The following CSHL1 variants were observed in gnomAD, a reference collection of about 807,000 sequenced individuals.
CSHL1 encodes chorionic somatomammotropin hormone like 1.
CSHL1 carries 25 observed loss-of-function variants against 24.3 expected under a neutral mutation model. The observed-to-expected ratio is 1.03, with a 90% CI of 0.75 to 1.44. CSHL1 has a LOEUF of 1.44. Ranked by LOEUF, CSHL1 falls within the 40% of genes most tolerant of loss-of-function variation. The pLI is 0.00. For missense variants in CSHL1, 342 were observed against 279.3 expected, an observed-to-expected ratio of 1.22 and a Z score of -1.60; for synonymous variants, 157 against 115.6, an observed-to-expected ratio of 1.36 and a Z score of -2.30.
In CSHL1 at chr17:63,910,212, C is replaced by T. The variant is rs752149521; in HGVS notation, c.421G>A (p.Asp141Asn). 1.2e-6 allele frequency: 2 copies of T among 1,614,108 alleles called. No homozygotes were observed. The highest frequency in any genetic ancestry group is 2.7e-5 in the African/African-American group (2 of 74,980). Residue 141 changes from aspartate (D) to asparagine (N), a missense_variant, in exon 4 of 5, where the codon GAC (aspartate) becomes AAC (asparagine). Coordinates refer to ENST00000309894, the MANE Select transcript of CSHL1 (RefSeq NM_022579.3). ...TCTAGGTCCTTTAGGAGGTGATAGT[C>T]ATCGCTGTCCGAGGTGTCATACACC... is the stretch of plus-strand genomic sequence containing the variant. The part of the protein sequence containing the change: ...NLVYDTSDSD[D>N]YHLLKDLEEG...
At chr17:63,910,602 T>A (rs1483385606) in intron 2 of CSHL1, 67 bp from the exon 3 acceptor site, 19 of 1,613,942 alleles carry the variant, frequency 1.2e-5, no homozygotes, top group Non-Finnish European at 1.5e-5. Flanking sequence ...CAGCTCCCAC[T>A]GTTACTCTTC....
chr17:63,910,359 C>G (rs1364805509), intron 3 of CSHL1, 33 bp from the exon 4 acceptor site: 1 of 1,614,112 alleles, frequency 6.2e-7, no homozygotes, highest in South Asian at 1.1e-5. Flanking sequence ...GGCTGTGCTG[C>G]CCGGGGGCTC....
rs577128025 is a variant in CSHL1 at position 63,911,112 on chromosome 17, C to A, written c.10+75G>T. Reference sequence around the variant, plus strand: ...AGAAGCCCCAAACCTGAGGTTAGTGCCCCCGTCCCATCTGCAGGGCGCCGC... The same window carrying A: ...AGAAGCCCCAAACCTGAGGTTAGTGACCCCGTCCCATCTGCAGGGCGCCGC... On this transcript the variant is annotated intron_variant, in intron 1 of 4. Transcript: ENST00000309894. 8.3e-4 allele frequency: 1,339 copies of A among 1,611,988 alleles called. 1 individual carries two copies. The highest frequency in any genetic ancestry group is 1.1e-3 in the Non-Finnish European group (1,267 of 1,179,808).
rs762535567 is a variant in CSHL1, at chr17:63,911,200, C to T, written c.-4G>A. The T allele has an allele frequency of 1.1e-5, 17 of 1,613,754 alleles. No individual in the cohort carries two copies. In the East Asian group the frequency reaches 1.6e-4, roughly 15 times the overall value. On this transcript the variant is annotated 5_prime_UTR_variant, in exon 1 of 5. Coordinates refer to ENST00000309894, the MANE Select transcript of CSHL1 (RefSeq NM_022579.3). ...AGGGGCGCTTACCTGCAGCCATTGC[C>T]GCTAGGTGAGCTGTCCACAGGACCC...
At chr17:63,910,133 G>T (rs763370731) in intron 4 of CSHL1, 29 bp downstream of exon 4, 9 of 1,614,070 alleles carry the variant, frequency 5.6e-6, no homozygotes, top group Non-Finnish European at 7.6e-6. Context: ...TGGGCTTCCA[G>T]GATTGGGGAC....
chr17:63,910,230 C>T lies in CSHL1; in HGVS notation c.403G>A (p.Asp135Asn). 1.2e-6 allele frequency: 2 copies of T among 1,614,038 alleles called. No individual in the cohort carries two copies. Among genetic ancestry groups the T allele is most frequent in the Non-Finnish European group, 1.7e-6 (2 of 1,180,004 alleles). ...TGATAGTCATCGCTGTCCGAGGTGT[C>T]ATACACCAGGTTGTTGGTGAAGGTA... ...RSTFTNNLVYDTSDSDDYHLL... is the reference protein window; with the variant it reads ...RSTFTNNLVYNTSDSDDYHLL... Residue 135 changes from aspartate to asparagine, a missense_variant, in exon 4 of 5, where the codon GAC (aspartate) becomes AAC (asparagine). By Grantham distance (23) the Asp-to-Asn change is conservative. Coordinates refer to ENST00000309894, the MANE Select transcript of CSHL1 (RefSeq NM_022579.3).
At position 63,910,315 on chromosome 17, in the gene CSHL1, C is replaced by T. The variant is rs1158341676; in HGVS notation, c.318G>A (p.Leu106=). The change falls in exon 4 of 5, where the codon CTG becomes CTA. Residue 106 remains leucine (L), a synonymous_variant. Coordinates refer to ENST00000309894, the MANE Select transcript of CSHL1 (RefSeq NM_022579.3). ...CGATGAGCAGCAGGGAGATGTGGAG[C>T]AGCTCTAAGTTCTGCAGGGGAAGGA... ...EETQQKSNLE[L]LHISLLLIES... 6.2e-7 allele frequency: 1 copy of T among 1,614,172 alleles called. No homozygotes were observed. Among genetic ancestry groups the T allele is most frequent in the South Asian group, 1.1e-5 (1 of 91,076 alleles).
At position 63,909,793 on chromosome 17, in the gene CSHL1, C is replaced by G. The variant is rs773255747; in HGVS notation, c.587G>C (p.Cys196Ser). 6.2e-7 allele frequency: 1 copy of G among 1,614,070 alleles called. No individual in the cohort carries two copies. Among genetic ancestry groups the G allele is most frequent in the South Asian group, 1.1e-5 (1 of 91,074 alleles). The part of the protein sequence containing the change: ...ALLKNYGLLH[C>S]FRKDMDKVET... ...GACCTTGTCCATGTCCTTCCTGAAG[C>G]AGTGGAGCAGCCCGTAGTTCTTGAG... Residue 196 changes from cysteine to serine, a missense_variant, in exon 5 of 5, where the codon TGC (cysteine) becomes TCC (serine). Coordinates refer to ENST00000309894, the MANE Select transcript of CSHL1 (RefSeq NM_022579.3).
rs537190467 is a variant in CSHL1 at position 63,911,176 on chromosome 17, G to A, written c.10+11C>T. 2.5e-6 allele frequency: 4 copies of A among 1,613,784 alleles called. No homozygotes were observed. In the Admixed American group the frequency reaches 6.7e-5, roughly 27 times the overall value. On this transcript the variant is annotated intron_variant, in intron 1 of 4. Transcript: ENST00000309894. ...ACACGTTGTGCCCAAAGGGATTTTAGGGGCGCTTACCTGCAGCCATTGCCG... is the reference window on the plus strand; with the variant it reads ...ACACGTTGTGCCCAAAGGGATTTTAAGGGCGCTTACCTGCAGCCATTGCCG...
chr17:63,910,476 A>C lies in CSHL1; in HGVS notation c.250T>G (p.Cys84Gly). ...GATGTCGGAATAGAGTCTGAGAAGC[A>C]GAAGGAGGTCTGGGAGTCATGCAGG... ...SFLHDSQTSF[C>G]FSDSIPTSSN... Residue 84 changes from cysteine to glycine, a missense_variant, in exon 3 of 5, where the codon TGC becomes GGC. Cys to Gly is a radical substitution (Grantham distance 159, BLOSUM62 -3). Transcript: ENST00000309894. 6.2e-7 allele frequency: 1 copy of C among 1,614,194 alleles called. No individual in the cohort carries two copies. Among genetic ancestry groups the C allele is most frequent in the South Asian group, 1.1e-5 (1 of 91,082 alleles).
rs1906941587 is a variant in CSHL1, at chr17:63,910,886, A to C, written c.49T>G (p.Cys17Gly). ...TSLLLAFALL[C>G]LPWLQEAGAV... ...CCAGCCTCTTGAAGCCAGGGCAGGC[A>C]GAGCAGGGCAAAAGCCAGGAGCAGG... is the stretch of plus-strand genomic sequence containing the variant. The change falls in exon 2 of 5, where the codon TGC (cysteine) becomes GGC (glycine). Residue 17 changes from cysteine to glycine, a missense_variant. Transcript: ENST00000309894. The C allele has an allele frequency of 1.2e-6, 2 of 1,614,074 alleles. No individual in the cohort carries two copies. The highest frequency in any genetic ancestry group is 1.7e-6 in the Non-Finnish European group (2 of 1,180,044).
chr17:63,910,575 C>G (rs777410618), intron 2 of CSHL1, 40 bp from the exon 3 acceptor site: 16 of 1,614,194 alleles, frequency 9.9e-6, no homozygotes, highest in East Asian at 8.9e-5. Context: ...AGGACCACTG[C>G]TTTCTATGCT....
At position 63,911,088 on chromosome 17, in the gene CSHL1, G is replaced by T. The variant is rs551408489; in HGVS notation, c.10+99C>A. 6.3e-5 allele frequency: 101 copies of T among 1,611,134 alleles called. 1 individual carries two copies. In the South Asian group the frequency reaches 6.5e-4, roughly 10 times the overall value. ...CCTTAGATGGCGATATTCACATTCAGAAGCCCCAAACCTGAGGTTAGTGCC... is the reference window on the plus strand; with the variant it reads ...CCTTAGATGGCGATATTCACATTCATAAGCCCCAAACCTGAGGTTAGTGCC... On this transcript the variant is annotated intron_variant, in intron 1 of 4. Coordinates refer to ENST00000309894, the MANE Select transcript of CSHL1 (RefSeq NM_022579.3).
Position 63,909,651 on chromosome 17 carries a change from G to T in CSHL1, c.*60C>A, listed in dbSNP as rs1475306595. 6.2e-7 allele frequency: 1 copy of T among 1,613,078 alleles called. No homozygotes were observed. Among genetic ancestry groups the T allele is most frequent in the Non-Finnish European group, 8.5e-7 (1 of 1,179,174 alleles). On this transcript the variant is annotated 3_prime_UTR_variant, in exon 5 of 5. Transcript: ENST00000309894. Reference sequence around the variant, plus strand: ...TAAGACAAGGCTGGTGGGCACTGGAGTGGCACCTTCAGGGCCAGGAGAGGC... The same window carrying T: ...TAAGACAAGGCTGGTGGGCACTGGATTGGCACCTTCAGGGCCAGGAGAGGC...
chr17:63,910,301 A>C lies in CSHL1; in HGVS notation c.332T>G (p.Leu111Arg). The change falls in exon 4 of 5, where the codon CTG becomes CGG. Residue 111 changes from leucine (L) to arginine (R), a missense_variant. By Grantham distance (102) the Leu-to-Arg change is moderately radical (BLOSUM62 -2). Transcript: ENST00000309894. ...KSNLELLHIS[L>R]LLIESRLEPV... is the part of the protein sequence containing the mutation. ...CTCCAGCCGCGACTCGATGAGCAGC[A>C]GGGAGATGTGGAGCAGCTCTAAGTT... The C allele has an allele frequency of 6.2e-7, 1 of 1,614,132 alleles. No individual in the cohort carries two copies. Among genetic ancestry groups the C allele is most frequent in the South Asian group, 1.1e-5 (1 of 91,078 alleles).
rs1432224913 is a variant in CSHL1, at chr17:63,909,800, G to A, written c.580C>T (p.Leu194Phe). The change falls in exon 5 of 5, where the codon CTC (leucine) becomes TTC (phenylalanine). Residue 194 changes from leucine (L) to phenylalanine (F), a missense_variant. Transcript: ENST00000309894. ...HDALLKNYGL[L>F]HCFRKDMDKV... ...TCCATGTCCTTCCTGAAGCAGTGGA[G>A]CAGCCCGTAGTTCTTGAGCAGTGCG... is the stretch of plus-strand genomic sequence containing the variant. 2.5e-6 allele frequency: 4 copies of A among 1,614,064 alleles called. No homozygotes were observed. The highest frequency in any genetic ancestry group is 1.7e-5 in the Admixed American group (1 of 60,024).
At position 63,909,783 on chromosome 17, in the gene CSHL1, C is replaced by T; in HGVS notation, c.597G>A (p.Lys199=). The change falls in exon 5 of 5, where the codon AAG becomes AAA. Residue 199 remains lysine, a synonymous_variant. Coordinates refer to ENST00000309894, the MANE Select transcript of CSHL1 (RefSeq NM_022579.3). ...GGAATGTCTCGACCTTGTCCATGTC[C>T]TTCCTGAAGCAGTGGAGCAGCCCGT... ...KNYGLLHCFR[K]DMDKVETFLR... is the part of the protein sequence containing the mutation. 1 of 1,614,070 alleles carries T rather than the reference C, an allele frequency of 6.2e-7. No homozygotes were observed. Among genetic ancestry groups the T allele is most frequent in the African/African-American group, 1.3e-5 (1 of 75,024 alleles).
Position 63,909,754 on chromosome 17 carries a change from C to A in CSHL1, c.626G>T (p.Arg209Leu), listed in dbSNP as rs533197552. Residue 209 changes from arginine to leucine, a missense_variant, in exon 5 of 5, where the codon CGC becomes CTC. By Grantham distance (102) the Arg-to-Leu change is moderately radical. Coordinates refer to ENST00000309894, the MANE Select transcript of CSHL1 (RefSeq NM_022579.3). ...CTCCACAGAGCGGCACTGCACCATG[C>A]GCAGGAATGTCTCGACCTTGTCCAT... ...KDMDKVETFLRMVQCRSVEGS... is the reference protein window; with the variant it reads ...KDMDKVETFLLMVQCRSVEGS... 3.1e-6 allele frequency: 5 copies of A among 1,614,142 alleles called. No homozygotes were observed. Among genetic ancestry groups the A allele is most frequent in the East Asian group, 2.2e-5 (1 of 44,876 alleles).
Position 63,910,107 on chromosome 17 carries a change from C to A in CSHL1, c.471+55G>T, listed in dbSNP as rs770798297. On this transcript the variant is annotated intron_variant, in intron 4 of 4. Coordinates refer to ENST00000309894, the MANE Select transcript of CSHL1 (RefSeq NM_022579.3). Reference sequence around the variant, plus strand: ...AGAGGGCAGCAGTGTTTCTCTCCCCCAGCCCTCGAAGCCAGTGGGCTTCCA... The same window carrying A: ...AGAGGGCAGCAGTGTTTCTCTCCCCAAGCCCTCGAAGCCAGTGGGCTTCCA... The A allele has an allele frequency of 1.9e-6, 3 of 1,614,088 alleles. No homozygotes were observed. The African/African-American group carries it at 4.0e-5, about 22-fold the overall frequency.
Sources: gnomAD v4.1 joint callset for allele counts on GRCh38, gnomAD v4.1.1 for gene constraint, MANE v1.5 for transcripts, NCBI Gene and HGNC (gene_info 2026-07-23, HGNC 2026-07-21) for gene names.